Variants in FSTL5 observed in about 807,000 individuals in gnomAD.
FSTL5 encodes the protein follistatin like 5.
Under a neutral mutation model 89.1 loss-of-function variants are expected in FSTL5, and 62 were observed. That is an observed-to-expected ratio of 0.70 (90% CI 0.57 to 0.86). The LOEUF (loss-of-function observed/expected upper bound fraction) is 0.86. FSTL5 is among the 40% of genes least tolerant of loss of function. The pLI is 0.00. For synonymous variants in FSTL5, 383 were observed against 346.2 expected (o/e 1.11, Z -1.18); for missense variants, 1,057 against 1,001.6 (o/e 1.06, Z -0.75).
At chr4:161,763,266 G>T (rs959876904) in intron 5 of FSTL5, among the ~76,000 whole-genome samples, 2 of 152,116 alleles carry the variant, frequency 1.3e-5, no homozygotes, top group Non-Finnish European at 2.9e-5. Flanking sequence ...TGAAGGGAGA[G>T]CAAAGAAATA....
intron 3 of FSTL5, among the ~76,000 whole-genome samples, chr4:161,981,518 T>C (rs910752629): frequency 5.9e-5 from 9 of 152,196 alleles, no homozygotes; most frequent in African/African-American, 2.2e-4. Flanking sequence ...ACACCACTTG[T>C]ACTTTTGAAA....
chr4:161,771,432 C>A (rs568329058), intron 5 of FSTL5, among the ~76,000 whole-genome samples: 1 of 151,968 alleles, frequency 6.6e-6, no homozygotes, highest in Non-Finnish European at 1.5e-5. Flanking sequence ...AACTAAGACA[C>A]AGAAGCTTTA....
chr4:161,701,060 T>C (rs1401355837), intron 6 of FSTL5, among the ~76,000 whole-genome samples: 3 of 152,208 alleles, frequency 2.0e-5, no homozygotes, highest in Non-Finnish European at 4.4e-5. Context: ...AATTAAGCTT[T>C]TATTCTTTTT....
chr4:161,968,532 G>A (rs1012206285), intron 3 of FSTL5, among the ~76,000 whole-genome samples: 1 of 151,994 alleles, frequency 6.6e-6, no homozygotes. Flanking sequence ...AGAAAAATAG[G>A]ACAGAACTCC....
intron 1 of FSTL5, among the ~76,000 whole-genome samples, chr4:162,118,647 C>A (rs548209328): frequency 6.6e-6 from 1 of 152,128 alleles, no homozygotes; most frequent in African/African-American, 2.4e-5. Flanking sequence ...GCTGCCGCCC[C>A]GTCATTGTAC....
rs140419396 is a variant in FSTL5, at chr4:161,952,227, T to C, written c.161-31575A>G. On this transcript the variant is annotated intron_variant, in intron 3 of 15. Coordinates refer to ENST00000306100, the MANE Select transcript of FSTL5 (RefSeq NM_020116.5). Reference sequence around the variant, plus strand: ...GCTGCTCTCTTCTCTCTCTTTTTGATAGAAAAAACTTTTGACACTTGTCAG... The same window carrying C: ...GCTGCTCTCTTCTCTCTCTTTTTGACAGAAAAAACTTTTGACACTTGTCAG... 9.5e-3 allele frequency among the ~76,000 whole-genome samples: 1,445 copies of C among 152,098 alleles called. 10 individuals are homozygous for C. Among genetic ancestry groups the C allele is most frequent in the Non-Finnish European group, 0.012 (820 of 67,942 alleles).
intron 3 of FSTL5, among the ~76,000 whole-genome samples, chr4:161,975,389 G>A (rs1735605227): frequency 6.6e-6 from 1 of 152,016 alleles, no homozygotes; most frequent in Non-Finnish European, 1.5e-5. Context: ...TTAAGAAAAT[G>A]TGGCACATAT....
chr4:161,778,481 A>T (rs1220770413), intron 4 of FSTL5, among the ~76,000 whole-genome samples: 2 of 152,218 alleles, frequency 1.3e-5, no homozygotes, highest in Non-Finnish European at 2.9e-5. Flanking sequence ...GGGCTGCAAA[A>T]CAATATCTGA....
chr4:162,131,117 C>T (rs1732285227), intron 1 of FSTL5, among the ~76,000 whole-genome samples: 1 of 152,098 alleles, frequency 6.6e-6, no homozygotes, highest in Non-Finnish European at 1.5e-5. Context: ...TCATTGTCTG[C>T]TCTGTAAGCT....
At chr4:161,779,286 G>T (rs1405384304) in intron 4 of FSTL5, among the ~76,000 whole-genome samples, 1 of 152,038 alleles carries the variant, frequency 6.6e-6, no homozygotes, top group African/African-American at 2.4e-5. Context: ...AAAAAAAATT[G>T]CAGTTAAGGC....
At chr4:161,840,193 T>C (rs1731169288) in intron 4 of FSTL5, among the ~76,000 whole-genome samples, 1 of 152,024 alleles carries the variant, frequency 6.6e-6, no homozygotes, top group Non-Finnish European at 1.5e-5. Context: ...GGAAAGTGAT[T>C]CCATGTACTC....
chr4:161,766,165 T>C (rs755506124), intron 5 of FSTL5, among the ~76,000 whole-genome samples: 7 of 152,140 alleles, frequency 4.6e-5, no homozygotes, highest in Non-Finnish European at 7.3e-5. Context: ...CCTAAATCAA[T>C]ATACTCAACG....
intron 4 of FSTL5, among the ~76,000 whole-genome samples, chr4:161,831,780 G>T (rs1194388011): frequency 6.6e-6 from 1 of 151,570 alleles, no homozygotes; most frequent in African/African-American, 2.4e-5. Flanking sequence ...TTTTGGAACA[G>T]CATAATAATA....
chr4:161,975,538 G>A (rs1735610673), intron 3 of FSTL5, among the ~76,000 whole-genome samples: 1 of 147,340 alleles, frequency 6.8e-6, no homozygotes, highest in Non-Finnish European at 1.5e-5. Flanking sequence ...TCACTCATAG[G>A]TGGGAATTGA....
intron 6 of FSTL5, among the ~76,000 whole-genome samples, chr4:161,707,096 C>T (rs1236551714): frequency 6.6e-6 from 1 of 151,550 alleles, no homozygotes; most frequent in African/African-American, 2.4e-5. Flanking sequence ...AAATCTAAAC[C>T]AAACACAAAT....
chr4:162,031,986 T>C (rs1164876707), intron 3 of FSTL5, among the ~76,000 whole-genome samples: 1 of 152,008 alleles, frequency 6.6e-6, no homozygotes, highest in African/African-American at 2.4e-5. Context: ...TGTGTGAAAG[T>C]TCTGAACCAT....
At chr4:161,940,587 A>T (rs1235900282) in intron 3 of FSTL5, among the ~76,000 whole-genome samples, 2 of 151,898 alleles carry the variant, frequency 1.3e-5, no homozygotes, top group Non-Finnish European at 2.9e-5. Context: ...CAGAAAACAC[A>T]GAGGCCAGAG....
chr4:162,156,235 A>G (rs1012632274), intron 1 of FSTL5, among the ~76,000 whole-genome samples: 5 of 152,196 alleles, frequency 3.3e-5, no homozygotes, highest in Non-Finnish European at 4.4e-5. Flanking sequence ...TAAAAAGTCA[A>G]AAAACAACAG....
chr4:161,968,254 A>C (rs1391809382), intron 3 of FSTL5, among the ~76,000 whole-genome samples: 2 of 152,236 alleles, frequency 1.3e-5, no homozygotes, highest in East Asian at 3.9e-4. Context: ...TTGGCAGAAG[A>C]ATGTTAGAAA....
Sources: gnomAD v4.1 joint callset for allele counts (sites outside exome capture counted in the v4.1 genomes callset) on GRCh38, gnomAD v4.1.1 for gene constraint, MANE v1.5 for transcripts, NCBI Gene and HGNC (gene_info 2026-07-23, HGNC 2026-07-21) for gene names.